The following TCERG1L variants were observed in gnomAD, a reference collection of about 807,000 sequenced individuals.
TCERG1L encodes transcription elongation regulator 1 like, also known as transcription elongation regulator 1-like protein.
In TCERG1L, 37 loss-of-function variants were observed where a neutral mutation model predicts 56.3. The ratio of observed to expected loss-of-function variants is 0.66; its 90% CI spans 0.51 to 0.87. The LOEUF (loss-of-function observed/expected upper bound fraction) is 0.87, where lower values mean the gene tolerates loss of function less well. Among genes scored for constraint, TCERG1L ranks in the 40% least tolerant of loss-of-function variants. The pLI, the probability that TCERG1L is intolerant of heterozygous loss-of-function variation, is 0.00. For synonymous variants in TCERG1L, 324 were observed against 326.3 expected (o/e 0.99, Z 0.08); for missense variants, 799 against 774.2 (o/e 1.03, Z -0.38).
rs1301055406 is a variant in TCERG1L, at chr10:131,103,644, T to C, written c.1485+621A>G. ...AGGTGGAGGTTGCAGTGAGCCAAGATTGCACCACTGTACTCCAGCCTGGGC... is the reference window on the plus strand; with the variant it reads ...AGGTGGAGGTTGCAGTGAGCCAAGACTGCACCACTGTACTCCAGCCTGGGC... On this transcript the variant is annotated intron_variant, in intron 10 of 11. Coordinates refer to ENST00000368642, the MANE Select transcript of TCERG1L (RefSeq NM_174937.4). This position sits in a 1 kb window ranked among gnomAD's most constrained non-coding sequence, Gnocchi z 4.3. 6.6e-6 allele frequency among the ~76,000 whole-genome samples: 1 copy of C among 152,172 alleles called. No homozygotes were observed. Among genetic ancestry groups the C allele is most frequent in the Non-Finnish European group, 1.5e-5 (1 of 68,034 alleles).
intron 3 of TCERG1L, among the ~76,000 whole-genome samples, chr10:131,293,485 G>T (rs563572086): frequency 6.6e-6 from 1 of 151,674 alleles, no homozygotes; most frequent in African/African-American, 2.4e-5. Context: ...ACCCCTCCCC[G>T]ACCAGAGACA....
chr10:131,120,155 G>A (rs866096085), intron 8 of TCERG1L, among the ~76,000 whole-genome samples: 14 of 150,336 alleles, frequency 9.3e-5, no homozygotes, highest in Admixed American at 7.3e-4. Flanking sequence ...TTAATGATTC[G>A]TGTGTGTGTG....
At chr10:131,225,653 T>C (rs1360377769) in intron 4 of TCERG1L, among the ~76,000 whole-genome samples, 3 of 152,002 alleles carry the variant, frequency 2.0e-5, no homozygotes, top group African/African-American at 7.2e-5. Flanking sequence ...CCCACTGAAG[T>C]AGCAGAGGAC....
At chr10:131,256,532 C>T (rs752764253) in intron 4 of TCERG1L, among the ~76,000 whole-genome samples, 1 of 152,110 alleles carries the variant, frequency 6.6e-6, no homozygotes, top group Non-Finnish European at 1.5e-5. Flanking sequence ...ACTCTTCTGG[C>T]CTGGACAATT....
Position 131,159,330 on chromosome 10 carries a change from T to C in TCERG1L, c.1034+3792A>G, listed in dbSNP as rs1430599366. ...CGTCTATTTGGGCAGGGATGGGCTG[T>C]TGTGCCTCTGGCAGAAGCTGTTGTT... On this transcript the variant is annotated intron_variant, in intron 6 of 11. Transcript: ENST00000368642. Among the ~76,000 whole-genome samples the C allele has an allele frequency of 9.1e-4, 138 of 152,312 alleles. 2 individuals carry two copies. Among genetic ancestry groups the C allele is most frequent in the Non-Finnish European group, 1.2e-4 (8 of 68,018 alleles).
chr10:131,104,412 C>A, intron 9 of TCERG1L, 58 bp from the exon 10 acceptor site: 1 of 1,161,208 alleles, frequency 8.6e-7, no homozygotes, highest in Non-Finnish European at 1.3e-6. Flanking sequence ...CCTGAAGCCG[C>A]CCTGAAATGA....
intron 2 of TCERG1L, 83 bp from the exon 3 acceptor site, chr10:131,308,474 C>T (rs1846839396): frequency 1.5e-5 from 18 of 1,182,232 alleles, no homozygotes; most frequent in East Asian, 2.4e-5. Context: ...ATTTGTGTTG[C>T]CTTACGTTGA....
chr10:131,099,365 G>C (rs188656262), intron 10 of TCERG1L, among the ~76,000 whole-genome samples: 2 of 152,356 alleles, frequency 1.3e-5, no homozygotes, highest in Admixed American at 6.5e-5. Context: ...AGACTACGGA[G>C]TCAAAGAGGG....
At chr10:131,274,303 G>A (rs61861243) in intron 3 of TCERG1L, among the ~76,000 whole-genome samples, 11,500 of 152,278 alleles carry the variant, frequency 0.076, 647 homozygotes, top group East Asian at 0.22. Flanking sequence ...CTGCACAGCC[G>A]CTGTCCTCCA....
chr10:131,250,313 C>T (rs1247284324), intron 4 of TCERG1L, among the ~76,000 whole-genome samples: 3 of 145,138 alleles, frequency 2.1e-5, no homozygotes, highest in African/African-American at 5.2e-5. Flanking sequence ...CAGACGCAGG[C>T]TAATCTGTCA....
intron 4 of TCERG1L, 74 bp from the exon 5 acceptor site, chr10:131,166,959 A>T: frequency 1.5e-6 from 2 of 1,369,210 alleles, no homozygotes; most frequent in South Asian, 1.3e-5. Flanking sequence ...AATCAAAGAC[A>T]AAAAGTGGCC....
At chr10:131,171,720 G>A (rs571753312) in intron 4 of TCERG1L, among the ~76,000 whole-genome samples, 3 of 152,212 alleles carry the variant, frequency 2.0e-5, no homozygotes, top group South Asian at 4.2e-4. Flanking sequence ...ACAGGCATGC[G>A]CCACCACACC....
rs1388311521 is a variant in TCERG1L, at chr10:131,311,477, G to A, written c.159C>T (p.Ser53=). 1 of 1,189,314 alleles carries A rather than the reference G, an allele frequency of 8.4e-7. No homozygotes were observed. Among genetic ancestry groups the A allele is most frequent in the East Asian group, 3.8e-5 (1 of 26,352 alleles). 73.7% of individuals were successfully genotyped at this position (1,189,314 alleles called of 1,614,324 possible). The change falls in exon 1 of 12, where the codon AGC becomes AGT. Residue 53 remains serine (S), a synonymous_variant. Transcript: ENST00000368642. This position sits in a 1 kb window ranked among gnomAD's most constrained non-coding sequence, Gnocchi z 4.0. Reference sequence around the variant, plus strand: ...GCACCGGGGGAACCACGACCCCCGCGCTGAGCCGGAGCAGCCCGGCCGAGC... The same window carrying A: ...GCACCGGGGGAACCACGACCCCCGCACTGAGCCGGAGCAGCCCGGCCGAGC... ...VPGSAGLLRL[S]AGVVVPPVLL... is the part of the protein sequence containing the mutation.
At chr10:131,158,107 T>G (rs1289074851) in intron 6 of TCERG1L, among the ~76,000 whole-genome samples, 1 of 152,270 alleles carries the variant, frequency 6.6e-6, no homozygotes, top group East Asian at 1.9e-4. Context: ...AATTCCCACA[T>G]AGTTAAGAAT....
At chr10:131,231,159 A>G (rs1297650980) in intron 4 of TCERG1L, among the ~76,000 whole-genome samples, 2 of 152,194 alleles carry the variant, frequency 1.3e-5, no homozygotes, top group Non-Finnish European at 2.9e-5. Flanking sequence ...GGTTCTGAGC[A>G]GGCCACTGCC....
At chr10:131,235,378 A>C (rs1845902585) in intron 4 of TCERG1L, among the ~76,000 whole-genome samples, 1 of 152,206 alleles carries the variant, frequency 6.6e-6, no homozygotes, top group Non-Finnish European at 1.5e-5. Flanking sequence ...GAGCCTTGCT[A>C]GAAAACCACA....
At chr10:131,165,288 A>G (rs1846019236) in intron 5 of TCERG1L, among the ~76,000 whole-genome samples, 2 of 152,210 alleles carry the variant, frequency 1.3e-5, no homozygotes, top group South Asian at 4.1e-4. Context: ...CACAGTCTCC[A>G]GCGTGAGGGT....
chr10:131,104,430 T>C, intron 9 of TCERG1L, 76 bp from the exon 10 acceptor site: 3 of 969,004 alleles, frequency 3.1e-6, no homozygotes, highest in Non-Finnish European at 1.6e-6. Context: ...TGATCCACAG[T>C]TAAAAACAAA....
chr10:131,164,904 G>A (rs1012855117), intron 5 of TCERG1L, among the ~76,000 whole-genome samples: 2 of 152,322 alleles, frequency 1.3e-5, no homozygotes, highest in African/African-American at 4.8e-5. Flanking sequence ...ATGCACAGGA[G>A]GCTGGGGATG....
Sources: gnomAD v4.1 joint callset for allele counts (sites outside exome capture counted in the v4.1 genomes callset) on GRCh38, gnomAD v4.1.1 for gene constraint, Gnocchi (gnomAD v3.1) non-coding constraint, MANE v1.5 for transcripts, NCBI Gene and HGNC (gene_info 2026-07-23, HGNC 2026-07-21) for gene names.